The following GRB2 variants were observed in gnomAD, a reference collection of about 807,000 sequenced individuals.
GRB2 encodes growth factor receptor-bound protein 2.
GRB2 carries 2 observed loss-of-function variants against 27.4 expected under a neutral mutation model. The observed-to-expected ratio is 0.07, with a 90% CI of 0.03 to 0.23. The LOEUF is 0.23. Among genes scored for constraint, GRB2 ranks in the 10% least tolerant of loss-of-function variants. The pLI, the probability that GRB2 is intolerant of heterozygous loss-of-function variation, is 1.00. For synonymous variants in GRB2, 94 were observed against 99.6 expected, an observed-to-expected ratio of 0.94 and a Z score of 0.33; for missense variants, 102 against 282.4, an observed-to-expected ratio of 0.36 and a Z score of 4.58.
At position 75,318,847 on chromosome 17, in the gene GRB2, T is replaced by C. The variant is rs1020589041; in HGVS notation, c.*1521A>G. 9 of 151,810 alleles carry C rather than the reference T, an allele frequency of 5.9e-5. No individual in the cohort carries two copies. The highest frequency in any genetic ancestry group is 2.2e-4 in the African/African-American group (9 of 41,236). 9.4% of individuals were successfully genotyped at this position (151,810 alleles called of 1,614,324 possible). On this transcript the variant is annotated 3_prime_UTR_variant, in exon 6 of 6. Transcript: ENST00000316804. ...AGTACTCTCACTGTGTACCCCAGCA[T>C]AGGAATAGTGAAACCTGCTACAACT...
intron 1 of GRB2, among the ~76,000 whole-genome samples, chr17:75,403,283 A>G (rs890246033): frequency 6.6e-6 from 1 of 151,492 alleles, no homozygotes; most frequent in Non-Finnish European, 1.5e-5. Flanking sequence ...TCTATTCTGT[A>G]TTACTTCATT....
intron 4 of GRB2, among the ~76,000 whole-genome samples, chr17:75,322,749 T>A (rs1369268847): frequency 6.6e-6 from 1 of 152,036 alleles, no homozygotes; most frequent in Non-Finnish European, 1.5e-5. Flanking sequence ...GCTCACAGGG[T>A]CTGTCACAGG....
chr17:75,369,531 G>A (rs1433077162), intron 2 of GRB2, among the ~76,000 whole-genome samples: 1 of 152,014 alleles, frequency 6.6e-6, no homozygotes, highest in Non-Finnish European at 1.5e-5. Context: ...CAAGGACTCT[G>A]GATGGATGGG....
chr17:75,327,389 T>A (rs1405729353), intron 3 of GRB2, among the ~76,000 whole-genome samples: 2 of 148,508 alleles, frequency 1.3e-5, no homozygotes, highest in African/African-American at 2.6e-5. Flanking sequence ...CTTTTTTTTT[T>A]AGATAGAGTC....
chr17:75,387,513 T>C (rs2078972381), intron 2 of GRB2: 2 of 151,330 alleles, frequency 1.3e-5, no homozygotes, highest in African/African-American at 2.4e-5. Flanking sequence ...TATAATTTAG[T>C]AGGCTGGGCA....
chr17:75,349,136 ATTTTCCCTCTTGTATTTTC>A (rs2078672877), intron 2 of GRB2, among the ~76,000 whole-genome samples: 1 of 152,134 alleles, frequency 6.6e-6, no homozygotes, highest in Admixed American at 6.5e-5. Flanking sequence ...AAGCAAAGTA[ATTTTCCCTCTTGTATTTTC>A]ATTGAGTTTA....
At chr17:75,392,706 A>C (rs2079006002) in intron 2 of GRB2, among the ~76,000 whole-genome samples, 1 of 152,194 alleles carries the variant, frequency 6.6e-6, no homozygotes, top group Non-Finnish European at 1.5e-5. Context: ...CCTCCTTTAA[A>C]GTTAACATAC....
In GRB2 at chr17:75,384,924, G is replaced by A. The variant is rs188414862; in HGVS notation, c.78+8627C>T. On this transcript the variant is annotated intron_variant, in intron 2 of 5. Coordinates refer to ENST00000316804, the MANE Select transcript of GRB2 (RefSeq NM_002086.5). ...AAGGCTTTATTTACAGAGGCCGGGC[G>A]CGGTAGCTCATGTCGGTAATCCCAG... is the stretch of plus-strand genomic sequence containing the variant. Among the ~76,000 whole-genome samples, 60 of 150,400 alleles carry A rather than the reference G, an allele frequency of 4.0e-4. No individual in the cohort carries two copies. The East Asian group carries it at 0.011, about 28-fold the overall frequency.
rs777135145 is a variant in GRB2, at chr17:75,320,332, A to G, written c.*36T>C. 6.4e-7 allele frequency: 1 copy of G among 1,573,680 alleles called. No individual in the cohort carries two copies. Among genetic ancestry groups the G allele is most frequent in the Non-Finnish European group, 8.7e-7 (1 of 1,143,944 alleles). The stretch of plus-strand genomic sequence containing the variant: ...TTTAATTCTTTTGTATGTGTTTTAC[A>G]TTTTTCACTTTCTTTAAATAATTGC... On this transcript the variant is annotated 3_prime_UTR_variant, in exon 6 of 6. Transcript: ENST00000316804. The surrounding 1 kb of genome is among the most constrained non-coding windows in gnomAD (Gnocchi z 4.3).
intron 1 of GRB2, among the ~76,000 whole-genome samples, chr17:75,397,657 C>A (rs1034152121): frequency 6.6e-6 from 1 of 152,124 alleles, no homozygotes; most frequent in Non-Finnish European, 1.5e-5. Context: ...CTCACACTTA[C>A]AGCTACAGTT....
intron 2 of GRB2, among the ~76,000 whole-genome samples, chr17:75,358,269 T>C (rs1398391802): frequency 6.6e-6 from 1 of 152,214 alleles, no homozygotes; most frequent in East Asian, 1.9e-4. Context: ...TTAAAATTAT[T>C]CCAAATTGCA....
At chr17:75,368,366 C>T (rs908653860) in intron 2 of GRB2, among the ~76,000 whole-genome samples, 3 of 151,748 alleles carry the variant, frequency 2.0e-5, no homozygotes, top group Admixed American at 1.3e-4. Flanking sequence ...CAGGCGCCCC[C>T]CACCGTGCTC....
Position 75,374,477 on chromosome 17 carries a change from C to T in GRB2, c.78+19074G>A, listed in dbSNP as rs945518234. On this transcript the variant is annotated intron_variant, in intron 2 of 5. Coordinates refer to ENST00000316804, the MANE Select transcript of GRB2 (RefSeq NM_002086.5). ...GGGCACAGTAGCTGACACCTGTAAT[C>T]CCAGCATTTTGGGAGGCCAAGGTGG... Among the ~76,000 whole-genome samples, 76 of 151,222 alleles carry T rather than the reference C, an allele frequency of 5.0e-4. 1 individual carries two copies. Among genetic ancestry groups the T allele is most frequent in the African/African-American group, 1.7e-3 (71 of 41,310 alleles).
intron 1 of GRB2, among the ~76,000 whole-genome samples, chr17:75,397,905 G>A (rs1396438260): frequency 3.3e-5 from 5 of 151,706 alleles, no homozygotes; most frequent in Admixed American, 6.6e-5. Flanking sequence ...GCAGTGTCAC[G>A]ATCTCAGGTC....
At chr17:75,358,739 T>C (rs1391853701) in intron 2 of GRB2, among the ~76,000 whole-genome samples, 1 of 139,752 alleles carries the variant, frequency 7.2e-6, no homozygotes. Flanking sequence ...AAAAATTAGC[T>C]GGGTATGGTG....
At chr17:75,336,887 G>A (rs1254691750) in intron 2 of GRB2, among the ~76,000 whole-genome samples, 2 of 152,036 alleles carry the variant, frequency 1.3e-5, no homozygotes, top group Admixed American at 6.6e-5. Context: ...ACAGGCATGC[G>A]CCACTATACC....
intron 2 of GRB2, among the ~76,000 whole-genome samples, chr17:75,358,930 T>TATATATAA (rs1555611100): frequency 7.7e-6 from 1 of 129,110 alleles, no homozygotes; most frequent in Non-Finnish European, 1.6e-5. Flanking sequence ...TATATATATA[T>TATATATAA]AAAATAGGCC....
chr17:75,338,944 C>T (rs899566588), intron 2 of GRB2: 42 of 1,125,222 alleles, frequency 3.7e-5, no homozygotes, highest in Middle Eastern at 2.7e-4. Flanking sequence ...GGGAAAGCGG[C>T]GTTATGACAG....
intron 2 of GRB2, among the ~76,000 whole-genome samples, chr17:75,349,707 A>G (rs2078677615): frequency 6.6e-6 from 1 of 151,560 alleles, no homozygotes; most frequent in African/African-American, 2.4e-5. Flanking sequence ...TTAAGTTGAG[A>G]CGAGGTTTGA....
Sources: allele counts gnomAD v4.1 joint callset (sites outside exome capture counted in the v4.1 genomes callset), GRCh38; gene constraint gnomAD v4.1.1; non-coding constraint Gnocchi (gnomAD v3.1); transcripts MANE v1.5; gene names NCBI Gene and HGNC (gene_info 2026-07-23, HGNC 2026-07-21).